Variants in COPRS observed in about 807,000 individuals in gnomAD.
COPRS encodes the protein coordinator of PRMT5 and differentiation stimulator, also known as cooperator of PRMT5.
COPRS carries 11 observed loss-of-function variants against 19.9 expected under a neutral mutation model. That is an observed-to-expected ratio of 0.55 (90% CI 0.35 to 0.92). The LOEUF is 0.92. Among genes scored for constraint, COPRS ranks in the 40% least tolerant of loss-of-function variants. COPRS has a pLI of 0.01. For synonymous variants in COPRS, 81 were observed against 82.7 expected, an observed-to-expected ratio of 0.98 and a Z score of 0.11; for missense variants, 225 against 229.9, an observed-to-expected ratio of 0.98 and a Z score of 0.14.
intron 2 of COPRS, 151 bp downstream of exon 2, chr17:31,856,648 G>T: frequency 1.4e-6 from 1 of 691,222 alleles, no homozygotes. Context: ...CTCCAAGCAA[G>T]GCTTCCAAAG....
intron 2 of COPRS, chr17:31,856,592 G>T: frequency 1.6e-6 from 1 of 628,950 alleles, no homozygotes. Context: ...CTCGGTAGAA[G>T]GATGGATTTG....
chr17:31,855,237 A>T (rs549192902), intron 2 of COPRS, among the ~76,000 whole-genome samples: 10 of 151,864 alleles, frequency 6.6e-5, no homozygotes, highest in African/African-American at 1.7e-4. Flanking sequence ...TTAGGCCGGG[A>T]GCAGTGGCTC....
At chr17:31,856,641 C>T (rs955925286) in intron 2 of COPRS, 158 bp downstream of exon 2, 1 of 602,392 alleles carries the variant, frequency 1.7e-6, no homozygotes, top group African/African-American at 2.7e-5. Context: ...AAGGAAGCTC[C>T]AAGCAAGGCT....
At chr17:31,853,839 G>C (rs991014427) in intron 2 of COPRS, among the ~76,000 whole-genome samples, 1 of 152,138 alleles carries the variant, frequency 6.6e-6, no homozygotes, top group Admixed American at 6.6e-5. Flanking sequence ...AGGCCGGAAG[G>C]TACATTTTCA....
intron 2 of COPRS, among the ~76,000 whole-genome samples, chr17:31,854,898 T>C (rs1909285243): frequency 6.6e-6 from 1 of 152,194 alleles, no homozygotes; most frequent in African/African-American, 2.4e-5. Flanking sequence ...AACTAGGTAG[T>C]GGTGATGGTT....
chr17:31,857,020 C>A (rs766852909), intron 1 of COPRS, among the ~76,000 whole-genome samples, 155 bp from the exon 2 acceptor site: 12 of 152,336 alleles, frequency 7.9e-5, no homozygotes, highest in Non-Finnish European at 1.5e-4. Context: ...CCCTGTTAAA[C>A]TGAGCAAGGC....
At chr17:31,854,429 A>G (rs1909265443) in intron 2 of COPRS, among the ~76,000 whole-genome samples, 3 of 151,778 alleles carry the variant, frequency 2.0e-5, no homozygotes, top group Admixed American at 2.0e-4. Context: ...TAACATAAAT[A>G]TAGAATTACC....
chr17:31,858,173 T>C (rs1909419884), intron 1 of COPRS, among the ~76,000 whole-genome samples: 1 of 152,214 alleles, frequency 6.6e-6, no homozygotes, highest in Admixed American at 6.5e-5. Flanking sequence ...CATCAACCTG[T>C]TGAGCATAGT....
chr17:31,856,387 G>A (rs1225367762), intron 2 of COPRS, among the ~76,000 whole-genome samples: 2 of 151,938 alleles, frequency 1.3e-5, no homozygotes, highest in African/African-American at 4.8e-5. Context: ...TCAGTATACT[G>A]GCATAATTGT....
At chr17:31,854,244 C>G (rs556243496) in intron 2 of COPRS, among the ~76,000 whole-genome samples, 1 of 151,322 alleles carries the variant, frequency 6.6e-6, no homozygotes, top group South Asian at 2.1e-4. Flanking sequence ...GTGGCATGCA[C>G]CTGTAATCCC....
At chr17:31,858,681 G>A in intron 1 of COPRS, 1 of 1,415,548 alleles carries the variant, frequency 7.1e-7, no homozygotes, top group African/African-American at 1.4e-5. Flanking sequence ...CTGGGGCTCA[G>A]GGTTAGCTGG....
intron 1 of COPRS, chr17:31,858,659 C>A: frequency 3.2e-6 from 4 of 1,260,222 alleles, no homozygotes; most frequent in Non-Finnish European, 4.5e-6. Flanking sequence ...AGGGGGAGCG[C>A]GCATGTGACA....
At chr17:31,856,564 C>G in intron 2 of COPRS, 1 of 556,180 alleles carries the variant, frequency 1.8e-6, no homozygotes, top group South Asian at 2.2e-5. Flanking sequence ...ACTATTTTCA[C>G]CGTTTCAAGC....
At chr17:31,856,010 C>T (rs920652861) in intron 2 of COPRS, among the ~76,000 whole-genome samples, 12 of 114,668 alleles carry the variant, frequency 1.0e-4, no homozygotes, top group Admixed American at 2.6e-4. Context: ...AAAAAAAAAA[C>T]GGCAGGGGGC....
chr17:31,852,370 C>T lies in COPRS; in HGVS notation c.386-62G>A, dbSNP rs574447312. The T allele has an allele frequency of 8.6e-5, 117 of 1,367,198 alleles. No homozygotes were observed. The East Asian group carries it at 1.1e-3, about 13-fold the overall frequency. 84.7% of individuals were successfully genotyped at this position (1,367,198 alleles called of 1,614,324 possible). On this transcript the variant is annotated intron_variant, in intron 3 of 3. Coordinates refer to ENST00000302362, the MANE Select transcript of COPRS (RefSeq NM_018405.4). ...AGGAGGGAAGGAAGGAAGGTAAAAA[C>T]GGACAGCCAAAAAGGTATGTCTAGG...
intron 1 of COPRS, among the ~76,000 whole-genome samples, chr17:31,857,732 G>C (rs1377066177): frequency 1.3e-5 from 2 of 152,160 alleles, no homozygotes; most frequent in Non-Finnish European, 2.9e-5. Flanking sequence ...TACTGTGCCT[G>C]AGTTTTCTTC....
Position 31,852,351 on chromosome 17 carries a change from G to A in COPRS, c.386-43C>T, listed in dbSNP as rs185914066. 5.1e-4 allele frequency: 770 copies of A among 1,504,620 alleles called. 2 individuals are homozygous for A. In the African/African-American group the frequency reaches 9.7e-3, roughly 19 times the overall value. 93.2% of individuals were successfully genotyped at this position (1,504,620 alleles called of 1,614,324 possible). A position where few individuals can be genotyped will look rare whatever the true frequency, so the allele number is the denominator to read the frequency against. Reference sequence around the variant, plus strand: ...AGACAGATTAAGGGAAGGAAGGAGGGAAGGAAGGAAGGTAAAAACGGACAG... The same window carrying A: ...AGACAGATTAAGGGAAGGAAGGAGGAAAGGAAGGAAGGTAAAAACGGACAG... On this transcript the variant is annotated intron_variant, in intron 3 of 3. Transcript: ENST00000302362.
intron 1 of COPRS, among the ~76,000 whole-genome samples, chr17:31,857,245 G>A (rs1909388989): frequency 6.6e-6 from 1 of 152,068 alleles, no homozygotes; most frequent in African/African-American, 2.4e-5. Flanking sequence ...CATCAGCTGG[G>A]GCAGTGCCTT....
At position 31,852,910 on chromosome 17, in the gene COPRS, A is replaced by G. The variant is rs760311201; in HGVS notation, c.287T>C (p.Leu96Pro). 3 of 1,613,970 alleles carry G rather than the reference A, an allele frequency of 1.9e-6. No homozygotes were observed. Among genetic ancestry groups the G allele is most frequent in the Non-Finnish European group, 2.5e-6 (3 of 1,179,910 alleles). The change falls in exon 3 of 4, where the codon CTG becomes CCG. Residue 96 changes from leucine (L) to proline (P), a missense_variant. Physicochemically the swap from Leu to Pro is moderately conservative, Grantham distance 98. This residue lies in a region of COPRS where 170 missense variants were observed against 171.4 expected (regional missense o/e 0.99). Transcript: ENST00000302362. ...DSDGELNTWELSEGTNCPPKE... is the reference protein window; with the variant it reads ...DSDGELNTWEPSEGTNCPPKE... Reference sequence around the variant, plus strand: ...GGGTGGACAGTTTGTCCCTTCTGACAGCTCCCAGGTATTCAGTTCTCCATC... The same window carrying G: ...GGGTGGACAGTTTGTCCCTTCTGACGGCTCCCAGGTATTCAGTTCTCCATC...
Sources: gnomAD v4.1 joint callset for allele counts (sites outside exome capture counted in the v4.1 genomes callset) on GRCh38, gnomAD v4.1.1 for gene constraint, gnomAD v4.1.1 regional missense constraint, MANE v1.5 for transcripts, NCBI Gene and HGNC (gene_info 2026-07-23, HGNC 2026-07-21) for gene names.